GRB2: variants seen among roughly 807,000 people sequenced by gnomAD.
GRB2 encodes the protein growth factor receptor-bound protein 2.
Under a neutral mutation model 27.4 loss-of-function variants are expected in GRB2, and 2 were observed. The ratio of observed to expected loss-of-function variants is 0.07; its 90% CI spans 0.03 to 0.23. The LOEUF (loss-of-function observed/expected upper bound fraction) is 0.23, where lower values mean the gene tolerates loss of function less well. Among genes scored for constraint, GRB2 ranks in the 10% least tolerant of loss-of-function variants. GRB2 has a pLI of 1.00. For synonymous variants in GRB2, 94 were observed against 99.6 expected (o/e 0.94, Z 0.33); for missense variants, 102 against 282.4 (o/e 0.36, Z 4.58).
rs944648356 is a variant in GRB2, at chr17:75,376,964, T to C, written c.78+16587A>G. ...ATGTTGGGGCTGTACTGAGCCATGA[T>C]TGTACCTCTGCACTCCAGCCTGGGT... On this transcript the variant is annotated intron_variant, in intron 2 of 5. Coordinates refer to ENST00000316804, the MANE Select transcript of GRB2 (RefSeq NM_002086.5). 5.3e-5 allele frequency among the ~76,000 whole-genome samples: 8 copies of C among 152,088 alleles called. No homozygotes were observed. In the East Asian group the frequency reaches 9.7e-4, roughly 18 times the overall value.
At chr17:75,347,315 C>G (rs1567862910) in intron 2 of GRB2, among the ~76,000 whole-genome samples, 1 of 152,172 alleles carries the variant, frequency 6.6e-6, no homozygotes, top group Non-Finnish European at 1.5e-5. Flanking sequence ...ACTGAGAACC[C>G]ATCTTCCCAT....
rs550194269 is a variant in GRB2, at chr17:75,385,323, G to A, written c.78+8228C>T. ...AGGCTGAGGCAGGCATATTACCTGC[G>A]TTCAGGATTTTGAGACCAGCCCGGC... is the stretch of plus-strand genomic sequence containing the variant. On this transcript the variant is annotated intron_variant, in intron 2 of 5. Coordinates refer to ENST00000316804, the MANE Select transcript of GRB2 (RefSeq NM_002086.5). Among the ~76,000 whole-genome samples, 359 of 152,134 alleles carry A rather than the reference G, an allele frequency of 2.4e-3. 1 individual carries two copies. Among genetic ancestry groups the A allele is most frequent in the Non-Finnish European group, 4.1e-3 (280 of 67,994 alleles).
At chr17:75,373,147 TGAA>T (rs1024427008) in intron 2 of GRB2, 1 of 152,140 alleles carries the variant, frequency 6.6e-6, no homozygotes, top group African/African-American at 2.4e-5. Context: ...CTCGGGAGGC[TGAA>T]GAAGGAGAAT....
At chr17:75,398,781 T>C (rs1470210253) in intron 1 of GRB2, among the ~76,000 whole-genome samples, 1 of 151,052 alleles carries the variant, frequency 6.6e-6, no homozygotes, top group Non-Finnish European at 1.5e-5. Context: ...AGAGTCTTGC[T>C]CTATCCCTCA....
chr17:75,345,380 G>C (rs531964981), intron 2 of GRB2, among the ~76,000 whole-genome samples: 2 of 152,254 alleles, frequency 1.3e-5, no homozygotes, highest in East Asian at 3.9e-4. Context: ...GTAAGACTAT[G>C]ATTCAAGGGG....
intron 5 of GRB2, among the ~76,000 whole-genome samples, chr17:75,321,169 CTTTTTTT>C (rs61287852): frequency 0.012 from 1,479 of 120,028 alleles, 17 homozygotes; most frequent in South Asian, 0.051. Flanking sequence ...AACAACAAAT[CTTTTTTT>C]TTTTTTTTTT....
chr17:75,373,717 A>G (rs2145856793), intron 2 of GRB2: 1 of 152,024 alleles, frequency 6.6e-6, no homozygotes, highest in African/African-American at 2.4e-5. Context: ...TCTGCTTAGT[A>G]TCAACCTTAG....
intron 2 of GRB2, among the ~76,000 whole-genome samples, chr17:75,335,132 A>G (rs1289570063): frequency 6.6e-6 from 1 of 152,148 alleles, no homozygotes; most frequent in Non-Finnish European, 1.5e-5. Context: ...GTTGGATTGC[A>G]ACTGGCCGCA....
At chr17:75,360,689 C>T (rs545974321) in intron 2 of GRB2, among the ~76,000 whole-genome samples, 4 of 152,336 alleles carry the variant, frequency 2.6e-5, no homozygotes, top group Admixed American at 6.5e-5. Flanking sequence ...GCTGCTCCTG[C>T]TCACCTTGCT....
At chr17:75,393,819 G>A (rs1598256414) in intron 1 of GRB2, 54 bp from the exon 2 acceptor site, 6 of 555,556 alleles carry the variant, frequency 1.1e-5, no homozygotes, top group East Asian at 3.1e-5. Flanking sequence ...AGGCAACCCC[G>A]CCCTGCCAAT....
At chr17:75,350,476 C>T (rs1043082966) in intron 2 of GRB2, among the ~76,000 whole-genome samples, 3 of 152,020 alleles carry the variant, frequency 2.0e-5, no homozygotes, top group Non-Finnish European at 2.9e-5. Context: ...CTCACTTGGG[C>T]GGTAACATTT....
chr17:75,339,103 C>T (rs2078602156), intron 2 of GRB2: 4 of 1,382,156 alleles, frequency 2.9e-6, no homozygotes, highest in Non-Finnish European at 4.1e-6. Flanking sequence ...GCATTTTGAA[C>T]TGGGAGGAGA....
intron 3 of GRB2, among the ~76,000 whole-genome samples, chr17:75,329,313 C>T (rs2078523329): frequency 2.6e-5 from 4 of 152,050 alleles, no homozygotes; most frequent in Admixed American, 1.3e-4. Context: ...CCTAGATGTA[C>T]ATGAAGCAAA....
At chr17:75,368,760 G>A (rs537743596) in intron 2 of GRB2, among the ~76,000 whole-genome samples, 2 of 151,824 alleles carry the variant, frequency 1.3e-5, no homozygotes, top group East Asian at 3.9e-4. Flanking sequence ...TGTTGCCCAG[G>A]CTGGTCTTGA....
chr17:75,374,403 C>CAAAAAAA (rs56404809), intron 2 of GRB2, among the ~76,000 whole-genome samples: 23 of 88,570 alleles, frequency 2.6e-4, no homozygotes, highest in South Asian at 4.3e-4. Context: ...GACTCCATAT[C>CAAAAAAA]AAAAAAAAAA....
At chr17:75,331,865 T>C (rs1407563279) in intron 3 of GRB2, among the ~76,000 whole-genome samples, 1 of 152,208 alleles carries the variant, frequency 6.6e-6, no homozygotes, top group Admixed American at 6.5e-5. Flanking sequence ...GTGGCTTATA[T>C]GGGACCTGGG....
At position 75,322,303 on chromosome 17, in the gene GRB2, C is replaced by T. The variant is rs61764615; in HGVS notation, c.300-476G>A. On this transcript the variant is annotated intron_variant, in intron 4 of 5. Transcript: ENST00000316804. ...AGGAGAATCACTTGAACCTGGGAGG[C>T]CGAGGTTGTGGTGAGCTGAGATCGC... 4.1e-3 allele frequency among the ~76,000 whole-genome samples: 614 copies of T among 151,026 alleles called. 5 individuals carry two copies. The highest frequency in any genetic ancestry group is 0.014 in the African/African-American group (572 of 41,138).
At chr17:75,330,202 T>G (rs547029410) in intron 3 of GRB2, among the ~76,000 whole-genome samples, 1 of 151,636 alleles carries the variant, frequency 6.6e-6, no homozygotes, top group Admixed American at 6.6e-5. Flanking sequence ...ACCAACACAG[T>G]GAAACCCCAT....
At chr17:75,355,419 T>A (rs187753786) in intron 2 of GRB2, among the ~76,000 whole-genome samples, 127 of 151,926 alleles carry the variant, frequency 8.4e-4, no homozygotes, top group Non-Finnish European at 3.1e-4. Context: ...TCTCTCCTCC[T>A]CCCCAAACAT....
Sources: gnomAD v4.1 joint callset for allele counts (sites outside exome capture counted in the v4.1 genomes callset) on GRCh38, gnomAD v4.1.1 for gene constraint, MANE v1.5 for transcripts, NCBI Gene and HGNC (gene_info 2026-07-23, HGNC 2026-07-21) for gene names.